The following AQR variants were observed in gnomAD, a reference collection of about 807,000 sequenced individuals.
AQR encodes aquarius intron-binding spliceosomal factor.
In AQR, 61 loss-of-function variants were observed where a neutral mutation model predicts 180.5. That is an observed-to-expected ratio of 0.34 (90% CI 0.28 to 0.42). AQR has a LOEUF of 0.42. Ranked by LOEUF, AQR falls within the 10% of genes least tolerant of loss-of-function variation. The pLI is 1.00. For missense variants in AQR, 1,281 were observed against 1,798.3 expected, an observed-to-expected ratio of 0.71 and a Z score of 5.20; for synonymous variants, 551 against 588.8, an observed-to-expected ratio of 0.94 and a Z score of 0.93.
chr15:34,869,510 T>A (rs1892784519), intron 31 of AQR: 1 of 152,158 alleles, frequency 6.6e-6, no homozygotes, highest in South Asian at 2.1e-4. Flanking sequence ...CAGAATAACA[T>A]CGTTGAGCTA....
At chr15:34,935,818 A>C (rs565114371) in intron 9 of AQR, among the ~76,000 whole-genome samples, 1 of 152,366 alleles carries the variant, frequency 6.6e-6, no homozygotes, top group East Asian at 1.9e-4. Context: ...ACAGTCATTT[A>C]AAATAACAAT....
intron 22 of AQR, among the ~76,000 whole-genome samples, chr15:34,895,531 TAAAAG>T (rs1777604276): frequency 6.6e-6 from 1 of 151,658 alleles, no homozygotes; most frequent in African/African-American, 2.4e-5. Flanking sequence ...AAACACCACT[TAAAAG>T]AAAGCTGCAG....
At chr15:34,900,896 A>C in intron 19 of AQR, 33 bp from the exon 20 acceptor site, 1 of 1,551,316 alleles carries the variant, frequency 6.4e-7, no homozygotes, top group Non-Finnish European at 8.7e-7. Context: ...AGATTGTGTC[A>C]GTATGACATC....
At position 34,969,606 on chromosome 15, in the gene AQR, G is replaced by T. The variant is rs770208594; in HGVS notation, c.8C>A (p.Ala3Asp). The change falls in exon 1 of 35, where the codon GCC becomes GAC. Residue 3 changes from alanine to aspartate, a missense_variant. Coordinates refer to ENST00000156471, the MANE Select transcript of AQR (RefSeq NM_014691.3). ...CACGATCTTCTTGGGCTGCGCAGGG[G>T]CTGCCATGGCAGCACTCTTCCCTCC... Reference protein sequence around the residue: MAAPAQPKKIVAP... With the variant: MADPAQPKKIVAP... 2.5e-6 allele frequency: 4 copies of T among 1,613,014 alleles called. No homozygotes were observed. In the African/African-American group the frequency reaches 5.3e-5, roughly 22 times the overall value.
At chr15:34,926,918 T>G in intron 13 of AQR, 117 bp downstream of exon 13, 2 of 507,544 alleles carry the variant, frequency 3.9e-6, no homozygotes, top group Non-Finnish European at 6.5e-6. Flanking sequence ...CAACGAAGAG[T>G]GAAATAACAA....
intron 12 of AQR, among the ~76,000 whole-genome samples, chr15:34,928,890 G>A (rs1050798965): frequency 2.0e-5 from 3 of 152,126 alleles, no homozygotes; most frequent in Admixed American, 6.5e-5. Flanking sequence ...TCTGACTGGT[G>A]AGAGATGGTA....
chr15:34,890,267 G>A lies in AQR; in HGVS notation c.2629C>T (p.Leu877=). 1.2e-6 allele frequency: 2 copies of A among 1,613,598 alleles called. No homozygotes were observed. Among genetic ancestry groups the A allele is most frequent in the Non-Finnish European group, 1.7e-6 (2 of 1,179,804 alleles). Reference sequence around the variant, plus strand: ...TCTTCTTCTCCATGACCAAGACGCAGTAGGTGGCGCTCATCAATGTCTAAT... The same window carrying A: ...TCTTCTTCTCCATGACCAAGACGCAATAGGTGGCGCTCATCAATGTCTAAT... The part of the protein sequence containing the change: ...MALDIDERHL[L]RLGHGEEELE... Residue 877 remains leucine (L), a synonymous_variant, in exon 24 of 35, where the codon CTG becomes TTG. Coordinates refer to ENST00000156471, the MANE Select transcript of AQR (RefSeq NM_014691.3).
At chr15:34,927,823 TG>T (rs1893788635) in intron 12 of AQR, among the ~76,000 whole-genome samples, 1 of 152,212 alleles carries the variant, frequency 6.6e-6, no homozygotes. Flanking sequence ...TGAGTGAGCT[TG>T]CCATGGGATT....
At chr15:34,915,856 G>C (rs1893574747) in intron 15 of AQR, among the ~76,000 whole-genome samples, 1 of 151,834 alleles carries the variant, frequency 6.6e-6, no homozygotes, top group Non-Finnish European at 1.5e-5. Context: ...TGAGGCAGGA[G>C]AATCACTTGA....
intron 18 of AQR, among the ~76,000 whole-genome samples, chr15:34,905,990 C>T (rs1893408251): frequency 2.0e-5 from 3 of 151,158 alleles, no homozygotes; most frequent in Admixed American, 6.6e-5. Context: ...GCCAAGATCG[C>T]GCCACTGCAC....
chr15:34,891,135 T>C (rs893656769), intron 23 of AQR, among the ~76,000 whole-genome samples: 3 of 152,114 alleles, frequency 2.0e-5, no homozygotes, highest in African/African-American at 7.2e-5. Context: ...ACCATCAAAA[T>C]TCTAGCAATC....
chr15:34,950,047 T>C (rs1388819849), intron 4 of AQR, among the ~76,000 whole-genome samples: 1 of 151,032 alleles, frequency 6.6e-6, no homozygotes, highest in Non-Finnish European at 1.5e-5. Context: ...TTATTTTCCT[T>C]TCGTATTTTT....
chr15:34,904,327 C>T lies in AQR; in HGVS notation c.2001+9G>A, dbSNP rs1893378893. ...ACATAGTACTTTTAGTTACATACCCCCAAATTACCTTAAAGTTATTTTCCT... is the reference window on the plus strand; with the variant it reads ...ACATAGTACTTTTAGTTACATACCCTCAAATTACCTTAAAGTTATTTTCCT... On this transcript the variant is annotated intron_variant, in intron 19 of 34. Coordinates refer to ENST00000156471, the MANE Select transcript of AQR (RefSeq NM_014691.3). 2 of 1,562,284 alleles carry T rather than the reference C, an allele frequency of 1.3e-6. No individual in the cohort carries two copies. The highest frequency in any genetic ancestry group is 1.2e-5 in the South Asian group (1 of 81,668).
Position 34,854,586 on chromosome 15 carries a change from C to T in AQR, c.*2206G>A, listed in dbSNP as rs1263029454. On this transcript the variant is annotated 3_prime_UTR_variant, in exon 35 of 35. Transcript: ENST00000156471. ...TTCCCAAGATTCTACAGTCAACTGC[C>T]ACTCACTTGCCTTTCCAATGAATAA... 2 of 152,180 alleles carry T rather than the reference C, an allele frequency of 1.3e-5. No individual in the cohort carries two copies. The highest frequency in any genetic ancestry group is 4.8e-5 in the African/African-American group (2 of 41,418). 9.4% of individuals were successfully genotyped at this position (152,180 alleles called of 1,614,324 possible). A position where few individuals can be genotyped will look rare whatever the true frequency, so the allele number is the denominator to read the frequency against.
At chr15:34,930,190 A>T in intron 12 of AQR, 68 bp downstream of exon 12, 1 of 949,296 alleles carries the variant, frequency 1.1e-6, no homozygotes. Context: ...CTGTACCTAT[A>T]CAAAACCTAA....
At chr15:34,943,486 T>TA (rs900647580) in intron 6 of AQR, 3 of 481,588 alleles carry the variant, frequency 6.2e-6, no homozygotes, top group Non-Finnish European at 9.6e-6. Context: ...TAAATAAAAA[T>TA]AAATGTTAAA....
At chr15:34,861,824 TA>T (rs1034113835) in intron 33 of AQR, among the ~76,000 whole-genome samples, 1 of 152,186 alleles carries the variant, frequency 6.6e-6, no homozygotes, top group African/African-American at 2.4e-5. Flanking sequence ...AGGCACTTTT[TA>T]TAAAGTACTT....
At chr15:34,914,896 G>T in intron 16 of AQR, 142 bp downstream of exon 16, 1 of 843,552 alleles carries the variant, frequency 1.2e-6, no homozygotes, top group Non-Finnish European at 1.7e-6. Flanking sequence ...ATTTAAAAAT[G>T]TCTCAAAGAG....
intron 11 of AQR, 99 bp from the exon 12 acceptor site, chr15:34,930,470 G>A: frequency 1.6e-6 from 1 of 637,780 alleles, no homozygotes; most frequent in South Asian, 2.9e-5. Flanking sequence ...GTTTCTCAGA[G>A]GTGCTGAAAA....
Sources: gnomAD v4.1 joint callset for allele counts (sites outside exome capture counted in the v4.1 genomes callset) on GRCh38, gnomAD v4.1.1 for gene constraint, MANE v1.5 for transcripts, NCBI Gene and HGNC (gene_info 2026-07-23, HGNC 2026-07-21) for gene names.